The following SHANK2 variants were observed in gnomAD, a reference collection of about 807,000 sequenced individuals.
SHANK2 encodes SH3 and multiple ankyrin repeat domains 2.
Under a neutral mutation model 133.7 loss-of-function variants are expected in SHANK2, and 43 were observed. The observed-to-expected ratio is 0.32, with a 90% CI of 0.25 to 0.41. The LOEUF (loss-of-function observed/expected upper bound fraction) is 0.41. SHANK2 is among the 10% of genes least tolerant of loss of function. The pLI is 1.00. For synonymous variants in SHANK2, 1,017 were observed against 952.8 expected, an observed-to-expected ratio of 1.07 and a Z score of -1.24; for missense variants, 1,994 against 2,235.8, an observed-to-expected ratio of 0.89 and a Z score of 2.18.
rs183905909 is a variant in SHANK2, at chr11:70,504,240, A to G, written c.2062-1309T>C. Among the ~76,000 whole-genome samples the G allele has an allele frequency of 3.3e-3, 456 of 138,258 alleles. 7 individuals are homozygous for G. Among genetic ancestry groups the G allele is most frequent in the Admixed American group, 0.015 (198 of 13,182 alleles). 90.7% of individuals were successfully genotyped at this position (138,258 alleles called of 152,430 possible). On this transcript the variant is annotated intron_variant, in intron 17 of 25. Coordinates refer to ENST00000601538, the MANE Select transcript of SHANK2 (RefSeq NM_012309.5). ...AACATCTGGTATACCCACAAACAGA[A>G]AACTTAAAGCCTGTGTGCTGCTTGG...
chr11:70,894,629 A>G (rs542378773), intron 11 of SHANK2, among the ~76,000 whole-genome samples: 12 of 152,232 alleles, frequency 7.9e-5, no homozygotes, highest in African/African-American at 2.6e-4. Context: ...GAGAGCTGGG[A>G]TAAGGAAGCC....
At chr11:70,597,631 G>C (rs1230738591) in intron 17 of SHANK2, among the ~76,000 whole-genome samples, 2 of 152,180 alleles carry the variant, frequency 1.3e-5, no homozygotes, top group Non-Finnish European at 2.9e-5. Flanking sequence ...CCAGCACTTT[G>C]GGAGGCCGAG....
At chr11:71,085,732 T>TA (rs1236552343) in intron 8 of SHANK2, among the ~76,000 whole-genome samples, 1 of 52,740 alleles carries the variant, frequency 1.9e-5, no homozygotes, top group Non-Finnish European at 3.3e-5. Context: ...ATATAAAATA[T>TA]AATATATTAT....
At chr11:71,168,426 G>A (rs1428626883) in intron 2 of SHANK2, among the ~76,000 whole-genome samples, 11 of 151,720 alleles carry the variant, frequency 7.3e-5, no homozygotes, top group African/African-American at 2.4e-4. Context: ...ACGGGGTGGC[G>A]GCCGGGCAGA....
At chr11:70,694,748 C>A (rs1387766591) in intron 15 of SHANK2, among the ~76,000 whole-genome samples, 1 of 152,172 alleles carries the variant, frequency 6.6e-6, no homozygotes, top group African/African-American at 2.4e-5. Context: ...AGAGTTATGC[C>A]ATTCCAGGGT....
intron 11 of SHANK2, among the ~76,000 whole-genome samples, chr11:70,890,891 G>A (rs1949832727): frequency 6.6e-6 from 1 of 151,982 alleles, no homozygotes; most frequent in South Asian, 2.1e-4. Context: ...TTGAACCCGG[G>A]AGGCGGAGGT....
rs2058612327 is a variant in SHANK2 at position 70,472,825 on chromosome 11, C to G, written c.*44G>C. On this transcript the variant is annotated 3_prime_UTR_variant, in exon 26 of 26. Coordinates refer to ENST00000601538, the MANE Select transcript of SHANK2 (RefSeq NM_012309.5). The surrounding 1 kb of genome is among the most constrained non-coding windows in gnomAD (Gnocchi z 4.4). ...CAGATGTTTCAGCACGAGCCCATCT[C>G]TACTTATAACAAGAGCAGTCTGCGA... The G allele has an allele frequency of 6.3e-7, 1 of 1,582,410 alleles. No homozygotes were observed. Among genetic ancestry groups the G allele is most frequent in the Non-Finnish European group, 8.7e-7 (1 of 1,151,194 alleles).
chr11:70,650,355 G>A (rs2061325546), intron 17 of SHANK2, among the ~76,000 whole-genome samples: 1 of 152,202 alleles, frequency 6.6e-6, no homozygotes, highest in Non-Finnish European at 1.5e-5. Flanking sequence ...GAAATGAAAG[G>A]TGCAGGGATG....
intron 11 of SHANK2, among the ~76,000 whole-genome samples, chr11:70,846,636 C>T (rs1555063521): frequency 6.6e-6 from 1 of 152,172 alleles, no homozygotes; most frequent in Non-Finnish European, 1.5e-5. Context: ...CTCAGCACTC[C>T]ACAGACCCCA....
In SHANK2 at chr11:70,568,089, T is replaced by C. The variant is rs565423415; in HGVS notation, c.2062-65158A>G. 4.6e-5 allele frequency among the ~76,000 whole-genome samples: 7 copies of C among 152,254 alleles called. No homozygotes were observed. The East Asian group carries it at 1.4e-3, about 29-fold the overall frequency. The stretch of plus-strand genomic sequence containing the variant: ...TGCCGTGAGGCCAGCAGCGGGGTGG[T>C]GGAGTCTGGCTCCGATCCTGCCTGC... On this transcript the variant is annotated intron_variant, in intron 17 of 25. Coordinates refer to ENST00000601538, the MANE Select transcript of SHANK2 (RefSeq NM_012309.5).
At chr11:71,232,501 G>A (rs1284062354) in intron 1 of SHANK2, among the ~76,000 whole-genome samples, 1 of 152,016 alleles carries the variant, frequency 6.6e-6, no homozygotes, top group Non-Finnish European at 1.5e-5. Flanking sequence ...TGCCGCCTCT[G>A]AGAAGGCAAG....
chr11:70,715,562 T>C (rs569499052), intron 14 of SHANK2, among the ~76,000 whole-genome samples: 1 of 152,330 alleles, frequency 6.6e-6, no homozygotes, highest in South Asian at 2.1e-4. Context: ...AGCTGTTGGC[T>C]GTCACTGAGT....
In SHANK2 at chr11:70,486,941, C is replaced by G. The variant is rs782063380; in HGVS notation, c.3352G>C (p.Ala1118Pro). ...GDEDVGLGPPAPRTRPSMFPE... is the reference protein window; with the variant it reads ...GDEDVGLGPPPPRTRPSMFPE... ...AACATGGAGGGCCGCGTCCTGGGGGCGGGTGGCCCCAGGCCCACATCCTCA... is the reference window on the plus strand; with the variant it reads ...AACATGGAGGGCCGCGTCCTGGGGGGGGGTGGCCCCAGGCCCACATCCTCA... The change falls in exon 25 of 26, where the codon GCC becomes CCC. Residue 1118 changes from alanine (A) to proline (P), a missense_variant. By Grantham distance (27) the Ala-to-Pro change is conservative. This residue lies in a region of SHANK2 where 797 missense variants were observed against 907.4 expected (regional missense o/e 0.88). Coordinates refer to ENST00000601538, the MANE Select transcript of SHANK2 (RefSeq NM_012309.5). This position sits in a 1 kb window ranked among gnomAD's most constrained non-coding sequence, Gnocchi z 8.0. 1.2e-6 allele frequency: 2 copies of G among 1,612,178 alleles called. No individual in the cohort carries two copies. Among genetic ancestry groups the G allele is most frequent in the East Asian group, 4.5e-5 (2 of 44,872 alleles).
chr11:71,111,015 C>T (rs1370176460), intron 5 of SHANK2, among the ~76,000 whole-genome samples: 1 of 152,240 alleles, frequency 6.6e-6, no homozygotes, highest in East Asian at 1.9e-4. Context: ...CAATGGCCAT[C>T]CAAACCAGGA....
chr11:70,572,040 CT>C (rs1260456100), intron 17 of SHANK2, among the ~76,000 whole-genome samples: 7 of 152,234 alleles, frequency 4.6e-5, no homozygotes, highest in Non-Finnish European at 8.8e-5. Flanking sequence ...CTTTCTCCCT[CT>C]GCCACTTGAG....
At chr11:71,133,359 T>C (rs1952364701) in intron 3 of SHANK2, among the ~76,000 whole-genome samples, 1 of 81,536 alleles carries the variant, frequency 1.2e-5, no homozygotes, top group Non-Finnish European at 2.7e-5. Flanking sequence ...GCTGGCTGGC[T>C]GGCTGGCTGG....
In SHANK2 at chr11:70,877,806, C is replaced by T. The variant is rs544896665; in HGVS notation, c.1174+18695G>A. Among the ~76,000 whole-genome samples the T allele has an allele frequency of 1.2e-4, 18 of 152,284 alleles. No homozygotes were observed. In the East Asian group the frequency reaches 2.7e-3, roughly 23 times the overall value. On this transcript the variant is annotated intron_variant, in intron 11 of 25. Coordinates refer to ENST00000601538, the MANE Select transcript of SHANK2 (RefSeq NM_012309.5). ...GAAGCCAAATATAGACACGGATAGA[C>T]GGGCACATTCTATAAATATTCCCTG... is the stretch of plus-strand genomic sequence containing the variant.
chr11:70,599,971 G>GAAAGAA (rs782190120), intron 17 of SHANK2, among the ~76,000 whole-genome samples: 3,223 of 104,230 alleles, frequency 0.031, 131 homozygotes, highest in African/African-American at 0.051. Context: ...AAGAAAGAAA[G>GAAAGAA]AAAATGTATC....
At chr11:70,880,771 C>T (rs1949647410) in intron 11 of SHANK2, among the ~76,000 whole-genome samples, 1 of 152,224 alleles carries the variant, frequency 6.6e-6, no homozygotes, top group Non-Finnish European at 1.5e-5. Context: ...CTCCATAGAA[C>T]AAGGAGGACT....
Sources: gnomAD v4.1 joint callset for allele counts (sites outside exome capture counted in the v4.1 genomes callset) on GRCh38, gnomAD v4.1.1 for gene constraint, gnomAD v4.1.1 regional missense constraint, Gnocchi (gnomAD v3.1) non-coding constraint, MANE v1.5 for transcripts, NCBI Gene and HGNC (gene_info 2026-07-23, HGNC 2026-07-21) for gene names.